Variants in TRPC5 observed in about 807,000 individuals in gnomAD.
TRPC5 encodes the protein transient receptor potential cation channel subfamily C member 5.
Under a neutral mutation model 56.5 loss-of-function variants are expected in TRPC5, and 9 were observed. The observed-to-expected ratio is 0.16, with a 90% confidence interval of 0.10 to 0.28. The LOEUF is 0.28. Among genes scored for constraint, TRPC5 ranks in the 10% least tolerant of loss-of-function variants. TRPC5 has a pLI of 1.00. For missense variants in TRPC5, 469 were observed against 748.9 expected (o/e 0.63, Z 4.36); for synonymous variants, 282 against 278.5 (o/e 1.01, Z -0.13).
chrX:111,780,362 G>T (rs770851208), intron 9 of TRPC5, among the ~76,000 whole-genome samples: 1 of 110,199 alleles, frequency 9.1e-6, no homozygotes, highest in African/African-American at 3.3e-5. Flanking sequence ...AATTTATCAA[G>T]ATCTAAATTC....
chrX:111,928,685 C>T (rs1926325797), intron 2 of TRPC5, among the ~76,000 whole-genome samples: 1 of 111,913 alleles, frequency 8.9e-6, no homozygotes, highest in African/African-American at 3.2e-5. Flanking sequence ...TGTCTCTTGC[C>T]TAGCTTTCTC....
chrX:112,034,196 C>G (rs1214568293), intron 1 of TRPC5, among the ~76,000 whole-genome samples: 2 of 111,547 alleles, frequency 1.8e-5, no homozygotes, highest in East Asian at 5.6e-4. Flanking sequence ...ATAAATTGCA[C>G]TGAATCTGTA....
At position 111,988,014 on chromosome X, in the gene TRPC5, A is replaced by G. The variant is rs184888477; in HGVS notation, c.-21-35573T>C. The stretch of plus-strand genomic sequence containing the variant: ...TCCCACGGCCCAGTCAAGTTGACAC[A>G]TAAAATTAACCACCACGATTTATGT... On this transcript the variant is annotated intron_variant, in intron 1 of 10. Coordinates refer to ENST00000262839, the MANE Select transcript of TRPC5 (RefSeq NM_012471.3). 7.9e-3 allele frequency among the ~76,000 whole-genome samples: 887 copies of G among 112,889 alleles called. 9 individuals carry two copies. Among genetic ancestry groups the G allele is most frequent in the African/African-American group, 0.027 (832 of 31,152 alleles).
intron 5 of TRPC5, among the ~76,000 whole-genome samples, chrX:111,848,602 G>A (rs1005444665): frequency 3.6e-5 from 4 of 111,996 alleles, no homozygotes; most frequent in Admixed American, 1.9e-4. Context: ...TGCATTGGGG[G>A]CCAAATTATA....
In TRPC5 at chrX:111,799,271, A is replaced by G. The variant is rs73544242; in HGVS notation, c.1897-17133T>C. Among the ~76,000 whole-genome samples the G allele has an allele frequency of 3.5e-3, 391 of 111,614 alleles. 4 individuals are homozygous for G. The highest frequency in any genetic ancestry group is 0.011 in the African/African-American group (352 of 30,770). On this transcript the variant is annotated intron_variant, in intron 7 of 10. Transcript: ENST00000262839. ...CAGTTGCTAGTCTTTTGTTTGTACTAGAAGGCCTGGACAATGAGAACCCTT... is the reference window on the plus strand; with the variant it reads ...CAGTTGCTAGTCTTTTGTTTGTACTGGAAGGCCTGGACAATGAGAACCCTT...
intron 3 of TRPC5, among the ~76,000 whole-genome samples, chrX:111,879,605 C>T (rs1266062811): frequency 1.8e-5 from 2 of 112,444 alleles, no homozygotes; most frequent in Admixed American, 9.4e-5. Flanking sequence ...TAAAAAGAAT[C>T]GAGGTTGTGC....
chrX:111,962,644 A>G (rs190271772), intron 1 of TRPC5, among the ~76,000 whole-genome samples: 89 of 112,654 alleles, frequency 7.9e-4, no homozygotes, highest in Non-Finnish European at 1.5e-3. Context: ...TGACACTAAC[A>G]GATTTAGCAT....
chrX:111,802,952 G>C (rs1343099229), intron 7 of TRPC5, among the ~76,000 whole-genome samples: 1 of 110,490 alleles, frequency 9.1e-6, no homozygotes, highest in African/African-American at 3.3e-5. Flanking sequence ...CGCCATGTTG[G>C]TGTGCTGCAC....
Position 111,769,297 on chromosome X carries a change from A to C in TRPC5, c.*7016T>G, listed in dbSNP as rs780460110. On this transcript the variant is annotated 3_prime_UTR_variant, in exon 11 of 11. Coordinates refer to ENST00000262839, the MANE Select transcript of TRPC5 (RefSeq NM_012471.3). Reference sequence around the variant, plus strand: ...TCTGAGTTTATTTACAGCATAAGCCATTGGAACTCAATGTATTTTACTGTT... The same window carrying C: ...TCTGAGTTTATTTACAGCATAAGCCCTTGGAACTCAATGTATTTTACTGTT... Among the ~76,000 whole-genome samples the C allele has an allele frequency of 8.9e-6, 1 of 112,375 alleles. No homozygotes were observed. The highest frequency in any genetic ancestry group is 1.9e-5 in the Non-Finnish European group (1 of 53,226).
At chrX:111,911,457 A>G (rs760412331) in intron 3 of TRPC5, among the ~76,000 whole-genome samples, 1 of 112,309 alleles carries the variant, frequency 8.9e-6, no homozygotes, top group African/African-American at 3.2e-5. Context: ...TTAAAATTCT[A>G]TCCTCAGTTG....
Position 111,776,406 on chromosome X carries a change from T to G in TRPC5, c.2829A>C (p.Ser943=), listed in dbSNP as rs371148935. Residue 943 remains serine, a synonymous_variant, in exon 11 of 11, where the codon TCA becomes TCC. Transcript: ENST00000262839. The part of the protein sequence containing the change: ...CSSNSKLLDS[S]EDVFETWGEA... ...CTCCCCAAGTTTCAAATACATCCTCTGAGGAGTCTAAAAGTTTAGAATTTG... is the reference window on the plus strand; with the variant it reads ...CTCCCCAAGTTTCAAATACATCCTCGGAGGAGTCTAAAAGTTTAGAATTTG... 10 of 1,209,442 alleles carry G rather than the reference T, an allele frequency of 8.3e-6. No homozygotes were observed. The African/African-American group carries it at 1.1e-4, about 13-fold the overall frequency.
At chrX:111,834,658 A>G (rs186877599) in intron 7 of TRPC5, among the ~76,000 whole-genome samples, 237 of 111,866 alleles carry the variant, frequency 2.1e-3, no homozygotes, top group Non-Finnish European at 3.1e-3. Flanking sequence ...AGGCAAGAAA[A>G]TTGATTCTGA....
chrX:111,875,907 T>G (rs1309495485), intron 3 of TRPC5: 1 of 109,312 alleles, frequency 9.1e-6, no homozygotes, highest in African/African-American at 3.3e-5. Flanking sequence ...GTTTGTGGTG[T>G]GTGTGTGTGT....
At chrX:111,805,123 C>T (rs945605356) in intron 7 of TRPC5, among the ~76,000 whole-genome samples, 4 of 111,584 alleles carry the variant, frequency 3.6e-5, no homozygotes, top group African/African-American at 6.5e-5. Flanking sequence ...GATTTTTTGT[C>T]GTTGGTTCTG....
At chrX:111,836,647 A>G (rs1046435230) in intron 6 of TRPC5, among the ~76,000 whole-genome samples, 1 of 112,201 alleles carries the variant, frequency 8.9e-6, no homozygotes, top group Non-Finnish European at 1.9e-5. Flanking sequence ...TCATAAAATT[A>G]TATTAGGTAA....
At chrX:111,969,402 G>A (rs1927717864) in intron 1 of TRPC5, among the ~76,000 whole-genome samples, 1 of 111,974 alleles carries the variant, frequency 8.9e-6, no homozygotes, top group Non-Finnish European at 1.9e-5. Context: ...AGGTATGCTT[G>A]TATAAACATT....
chrX:111,944,303 TGAGA>T (rs774055316), intron 2 of TRPC5, among the ~76,000 whole-genome samples: 715 of 61,255 alleles, frequency 0.012, 1 homozygote, highest in Non-Finnish European at 0.015. Context: ...TGTGTGTGTG[TGAGA>T]GAGAGAGAGA....
chrX:111,808,417 G>A (rs1301418263), intron 7 of TRPC5, among the ~76,000 whole-genome samples: 1 of 110,018 alleles, frequency 9.1e-6, no homozygotes, highest in Non-Finnish European at 1.9e-5. Context: ...TTTCCCCATG[G>A]CCACCACCAC....
At position 111,907,854 on chromosome X, in the gene TRPC5, A is replaced by G. The variant is rs780000934; in HGVS notation, c.900+4437T>C. Among the ~76,000 whole-genome samples the G allele has an allele frequency of 8.5e-3, 922 of 108,864 alleles. 6 individuals carry two copies. Among genetic ancestry groups the G allele is most frequent in the Non-Finnish European group, 0.014 (744 of 52,253 alleles). 94.5% of individuals were successfully genotyped at this position (108,864 alleles called of 115,157 possible). ...GCCCTAAGCACTGTGTGAGTGTTTC[A>G]TTTTTTTTTAAGACCAGATTTTGGA... On this transcript the variant is annotated intron_variant, in intron 3 of 10. Coordinates refer to ENST00000262839, the MANE Select transcript of TRPC5 (RefSeq NM_012471.3).
Sources: gnomAD v4.1 joint callset for allele counts (sites outside exome capture counted in the v4.1 genomes callset) on GRCh38, gnomAD v4.1.1 for gene constraint, MANE v1.5 for transcripts, NCBI Gene and HGNC (gene_info 2026-07-23, HGNC 2026-07-21) for gene names.